FGF10: variants seen among roughly 807,000 people sequenced by gnomAD.
FGF10 encodes the protein FGF-10.
Under a neutral mutation model 19.8 loss-of-function variants are expected in FGF10, and 2 were observed. The ratio of observed to expected loss-of-function variants is 0.10; its 90% CI spans 0.04 to 0.32. The LOEUF (loss-of-function observed/expected upper bound fraction) is 0.32. Ranked by LOEUF, FGF10 falls within the 10% of genes least tolerant of loss-of-function variation. The pLI is 1.00. For missense variants in FGF10, 191 were observed against 246.3 expected (o/e 0.78, Z 1.50); for synonymous variants, 112 against 94.0 (o/e 1.19, Z -1.10).
chr5:44,319,824 A>G (rs564405207), intron 1 of FGF10, among the ~76,000 whole-genome samples: 1 of 152,284 alleles, frequency 6.6e-6, no homozygotes, highest in South Asian at 2.1e-4. Flanking sequence ...ATAACTATAT[A>G]TTTATGTAAC....
chr5:44,342,750 G>A (rs950769587), intron 1 of FGF10, among the ~76,000 whole-genome samples: 2 of 151,868 alleles, frequency 1.3e-5, no homozygotes, highest in African/African-American at 2.4e-5. Context: ...GAATGTTGCC[G>A]TCTAAAGGAA....
intron 1 of FGF10, among the ~76,000 whole-genome samples, chr5:44,343,438 A>G (rs189633166): frequency 1.3e-5 from 2 of 152,150 alleles, no homozygotes; most frequent in Admixed American, 1.3e-4. Context: ...CTAATTTTAC[A>G]TTAAAATTCT....
chr5:44,348,610 TAG>T (rs776730331), intron 1 of FGF10, among the ~76,000 whole-genome samples: 57 of 151,588 alleles, frequency 3.8e-4, no homozygotes, highest in Non-Finnish European at 5.8e-4. Context: ...AGCAGGTTCC[TAG>T]ACTTAGCAAA....
intron 1 of FGF10, among the ~76,000 whole-genome samples, chr5:44,321,761 C>A (rs2111728842): frequency 6.6e-6 from 1 of 152,286 alleles, no homozygotes; most frequent in South Asian, 2.1e-4. Context: ...AGAGAGCACA[C>A]ACATCTTCTC....
chr5:44,309,416 G>C (rs372498100), intron 2 of FGF10, among the ~76,000 whole-genome samples: 1 of 151,944 alleles, frequency 6.6e-6, no homozygotes, highest in African/African-American at 2.4e-5. Flanking sequence ...TTTATTATAG[G>C]GCTGCTTTGC....
intron 1 of FGF10, among the ~76,000 whole-genome samples, chr5:44,333,436 A>G (rs992901713): frequency 2.6e-5 from 4 of 152,190 alleles, no homozygotes; most frequent in Non-Finnish European, 4.4e-5. Flanking sequence ...TTAATTCCAG[A>G]GAAGAAGAGA....
chr5:44,321,912 A>G (rs1486088329), intron 1 of FGF10, among the ~76,000 whole-genome samples: 1 of 152,070 alleles, frequency 6.6e-6, no homozygotes, highest in East Asian at 1.9e-4. Context: ...TAGGGTGCCC[A>G]TCACCATGCC....
intron 1 of FGF10, among the ~76,000 whole-genome samples, chr5:44,323,709 A>G (rs778303147): frequency 6.6e-6 from 1 of 152,200 alleles, no homozygotes; most frequent in Non-Finnish European, 1.5e-5. Flanking sequence ...GATGAGTGCA[A>G]TCTGGCACAT....
At chr5:44,342,673 C>G (rs1740996727) in intron 1 of FGF10, among the ~76,000 whole-genome samples, 1 of 151,844 alleles carries the variant, frequency 6.6e-6, no homozygotes, top group Admixed American at 6.6e-5. Context: ...CTTGCCCACA[C>G]TAAAGTTCAT....
At chr5:44,348,477 T>C (rs760696670) in intron 1 of FGF10, among the ~76,000 whole-genome samples, 1 of 151,438 alleles carries the variant, frequency 6.6e-6, no homozygotes, top group Non-Finnish European at 1.5e-5. Context: ...TGACACTAAT[T>C]GTGCATATTT....
intron 1 of FGF10, among the ~76,000 whole-genome samples, chr5:44,349,398 T>A (rs1579923658): frequency 8.4e-6 from 1 of 119,332 alleles, no homozygotes; most frequent in East Asian, 2.7e-4. Context: ...AATTCTTGCC[T>A]AAGAAAATGG....
In FGF10 at chr5:44,336,838, A is replaced by T. The variant is rs560854512; in HGVS notation, c.326-26308T>A. ...ATATTTCAGAAGTCAGCAACTTTTC[A>T]TCTTAGTTACGTTCCATCTAAGGTG... On this transcript the variant is annotated intron_variant, in intron 1 of 2. Transcript: ENST00000264664. Among the ~76,000 whole-genome samples, 5 of 152,324 alleles carry T rather than the reference A, an allele frequency of 3.3e-5. 1 individual carries two copies. In the South Asian group the frequency reaches 1.0e-3, roughly 32 times the overall value.
Position 44,305,097 on chromosome 5 carries a change from T to C in FGF10, c.525A>G (p.Gln175=). ...ASFNWQHNGR[Q]MYVALNGKGA... The stretch of plus-strand genomic sequence containing the variant: ...CTTTTCCATTCAATGCCACATACAT[T>C]TGCCTCCCATTATGCTGCCAGTTAA... Residue 175 remains glutamine, a synonymous_variant, in exon 3 of 3, where the codon CAA becomes CAG. Coordinates refer to ENST00000264664, the MANE Select transcript of FGF10 (RefSeq NM_004465.2). The C allele has an allele frequency of 6.2e-7, 1 of 1,614,026 alleles. No homozygotes were observed. The highest frequency in any genetic ancestry group is 8.5e-7 in the Non-Finnish European group (1 of 1,179,928).
chr5:44,361,386 T>C (rs569999909), intron 1 of FGF10, among the ~76,000 whole-genome samples: 147 of 151,794 alleles, frequency 9.7e-4, no homozygotes, highest in African/African-American at 3.4e-3. Flanking sequence ...GGTCCACCCA[T>C]CCTTCTCCTC....
intron 1 of FGF10, among the ~76,000 whole-genome samples, chr5:44,366,127 C>CCTTT (rs1554039043): frequency 2.7e-5 from 2 of 74,810 alleles, no homozygotes; most frequent in African/African-American, 5.1e-5. Context: ...CAATTATTTC[C>CCTTT]TTTTTTTTTT....
At chr5:44,367,658 T>A (rs1408167201) in intron 1 of FGF10, among the ~76,000 whole-genome samples, 1 of 151,992 alleles carries the variant, frequency 6.6e-6, no homozygotes, top group Non-Finnish European at 1.5e-5. Context: ...TTTTGAGCAT[T>A]AAGTGAGTGT....
intron 1 of FGF10, among the ~76,000 whole-genome samples, chr5:44,327,624 C>A (rs1165838678): frequency 1.3e-5 from 2 of 152,158 alleles, no homozygotes; most frequent in Admixed American, 6.6e-5. Context: ...TGAGTGTTTT[C>A]ATCTTGAGTG....
intron 1 of FGF10, among the ~76,000 whole-genome samples, chr5:44,361,189 A>G (rs1741474751): frequency 6.6e-6 from 1 of 151,704 alleles, no homozygotes; most frequent in South Asian, 2.1e-4. Context: ...TGACAATCAG[A>G]GGGTTTGCTA....
chr5:44,339,530 C>A (rs1162797332), intron 1 of FGF10, among the ~76,000 whole-genome samples: 1 of 152,076 alleles, frequency 6.6e-6, no homozygotes, highest in Non-Finnish European at 1.5e-5. Context: ...ATTTTCCTTG[C>A]GTATTTGCAA....
Sources: gnomAD v4.1 joint callset for allele counts (sites outside exome capture counted in the v4.1 genomes callset) on GRCh38, gnomAD v4.1.1 for gene constraint, MANE v1.5 for transcripts, NCBI Gene and HGNC (gene_info 2026-07-23, HGNC 2026-07-21) for gene names.